ADGRF5: variants seen among roughly 807,000 people sequenced by gnomAD.
ADGRF5 encodes the protein G-protein coupled receptor 116.
A neutral mutation model predicts 132.3 loss-of-function variants in ADGRF5; 75 were observed. That is an observed-to-expected ratio of 0.57 (90% confidence interval 0.47 to 0.69). The LOEUF (loss-of-function observed/expected upper bound fraction) is 0.69, where lower values mean the gene tolerates loss of function less well. Among genes scored for constraint, ADGRF5 ranks in the 30% least tolerant of loss-of-function variants. ADGRF5 has a pLI of 0.00. For synonymous variants in ADGRF5, 629 were observed against 597.6 expected (o/e 1.05, Z -0.77); for missense variants, 1,516 against 1,630.6 (o/e 0.93, Z 1.21).
intron 1 of ADGRF5, among the ~76,000 whole-genome samples, chr6:46,908,234 T>C (rs1167401207): frequency 6.6e-6 from 1 of 152,204 alleles, no homozygotes; most frequent in Admixed American, 6.5e-5. Context: ...ATAGTAGTTG[T>C]TTAAGACCAG....
intron 3 of ADGRF5, among the ~76,000 whole-genome samples, chr6:46,889,784 A>G (rs954378451): frequency 3.6e-4 from 53 of 146,418 alleles, no homozygotes; most frequent in East Asian, 1.8e-3. Flanking sequence ...GTGTGTGTAT[A>G]TATATATATA....
intron 1 of ADGRF5, among the ~76,000 whole-genome samples, chr6:46,929,085 A>G (rs1777404281): frequency 6.6e-6 from 1 of 152,178 alleles, no homozygotes; most frequent in Non-Finnish European, 1.5e-5. Context: ...AAGACTTGGA[A>G]CCAACCCAAA....
At position 46,853,093 on chromosome 6, in the gene ADGRF5, C is replaced by T. The variant is rs1768662437; in HGVS notation, c.*899G>A. 1 of 152,530 alleles carries T rather than the reference C, an allele frequency of 6.6e-6. No individual in the cohort carries two copies. Among genetic ancestry groups the T allele is most frequent in the South Asian group, 2.1e-4 (1 of 4,826 alleles). 9.4% of individuals were successfully genotyped at this position (152,530 alleles called of 1,614,324 possible). ...TTTTGCTTTCAAAATGTGGAACAAA[C>T]TAAAATATAAGGCTTTTCTGATAAA... is the stretch of plus-strand genomic sequence containing the variant. On this transcript the variant is annotated 3_prime_UTR_variant, in exon 21 of 21. Transcript: ENST00000283296.
chr6:46,884,297 G>A, intron 4 of ADGRF5, 26 bp from the exon 5 acceptor site: 1 of 1,582,800 alleles, frequency 6.3e-7, no homozygotes, highest in Non-Finnish European at 8.7e-7. Context: ...ACAGCAAGGA[G>A]AGAGAAGGTG....
intron 3 of ADGRF5, among the ~76,000 whole-genome samples, chr6:46,894,644 G>T (rs953706576): frequency 3.5e-4 from 53 of 152,204 alleles, no homozygotes; most frequent in African/African-American, 1.2e-3. Flanking sequence ...TGGAGCCAGA[G>T]AGAATGGGGA....
chr6:46,937,534 A>C (rs1338346688), intron 1 of ADGRF5, among the ~76,000 whole-genome samples: 3 of 152,178 alleles, frequency 2.0e-5, no homozygotes, highest in East Asian at 1.9e-4. Context: ...AGGGGGATAC[A>C]TTCCAAGACC....
intron 2 of ADGRF5, among the ~76,000 whole-genome samples, chr6:46,901,912 G>A (rs184160396): frequency 6.4e-4 from 98 of 152,238 alleles, no homozygotes; most frequent in Non-Finnish European, 1.0e-3. Flanking sequence ...CTCCATGTAA[G>A]GTTTACCTGT....
In ADGRF5 at chr6:46,861,568, T is replaced by C. The variant is rs1769751320; in HGVS notation, c.2200-674A>G. ...ATTGGTTTTATATAACATACTTTCA[T>C]TTGTGGCATCTCCAGTAGTGTCATC... On this transcript the variant is annotated intron_variant, in intron 15 of 20. Coordinates refer to ENST00000283296, the MANE Select transcript of ADGRF5 (RefSeq NM_001098518.2). Among the ~76,000 whole-genome samples the C allele has an allele frequency of 4.6e-5, 7 of 152,332 alleles. No individual in the cohort carries two copies. The South Asian group carries it at 1.4e-3, about 32-fold the overall frequency.
chr6:46,913,301 C>T (rs1776129820), intron 1 of ADGRF5, among the ~76,000 whole-genome samples: 1 of 152,092 alleles, frequency 6.6e-6, no homozygotes, highest in Non-Finnish European at 1.5e-5. Context: ...AGTATGAGAC[C>T]AGCCTTGCCT....
chr6:46,902,448 A>T (rs760968491), intron 2 of ADGRF5, among the ~76,000 whole-genome samples: 1 of 152,228 alleles, frequency 6.6e-6, no homozygotes, highest in African/African-American at 2.4e-5. Flanking sequence ...CTTGTCAGTT[A>T]CATGTTAAAA....
Position 46,860,891 on chromosome 6 carries a change from A to T in ADGRF5, c.2203T>A (p.Leu735Met). 1 of 1,591,480 alleles carries T rather than the reference A, an allele frequency of 6.3e-7. No homozygotes were observed. The highest frequency in any genetic ancestry group is 8.6e-7 in the Non-Finnish European group (1 of 1,166,858). The part of the protein sequence containing the change: ...INSLLQMAKA[L>M]IKSPSQDEML... ...TCATCCTGAGAGGGGCTCTTGATCA[A>T]AGCCTAGTAAAACAAAAGCCAACAC... The change falls in exon 16 of 21, where the codon TTG becomes ATG. Residue 735 changes from leucine (L) to methionine (M), a missense_variant. Physicochemically the swap from Leu to Met is conservative, Grantham distance 15. Transcript: ENST00000283296.
chr6:46,885,390 A>G (rs1772963353), intron 4 of ADGRF5, among the ~76,000 whole-genome samples: 1 of 152,166 alleles, frequency 6.6e-6, no homozygotes, highest in Non-Finnish European at 1.5e-5. Flanking sequence ...AACTGAGTCT[A>G]TCTTCTAATA....
intron 1 of ADGRF5, among the ~76,000 whole-genome samples, chr6:46,940,398 C>A (rs575035373): frequency 6.6e-6 from 1 of 152,204 alleles, no homozygotes; most frequent in Non-Finnish European, 1.5e-5. Context: ...AGGGCCTCTT[C>A]TTCCCTATCC....
chr6:46,893,335 T>C (rs1773855244), intron 3 of ADGRF5, among the ~76,000 whole-genome samples: 2 of 152,060 alleles, frequency 1.3e-5, no homozygotes, highest in African/African-American at 2.4e-5. Flanking sequence ...CATGGTCCTA[T>C]AGGCAAACAG....
chr6:46,941,441 GA>G (rs1239391794), intron 1 of ADGRF5, among the ~76,000 whole-genome samples: 42 of 47,532 alleles, frequency 8.8e-4, no homozygotes, highest in East Asian at 1.6e-3. Context: ...GAAAAGAAAA[GA>G]AAAGAAAAGA....
chr6:46,869,187 A>G (rs1562160948), intron 11 of ADGRF5, 95 bp from the exon 12 acceptor site: 1 of 1,522,436 alleles, frequency 6.6e-7, no homozygotes, highest in Non-Finnish European at 8.8e-7. Context: ...AACTTCAGAG[A>G]GGGACAGAAA....
At chr6:46,882,572 C>T (rs1772599701) in intron 6 of ADGRF5, among the ~76,000 whole-genome samples, 1 of 152,202 alleles carries the variant, frequency 6.6e-6, no homozygotes, top group African/African-American at 2.4e-5. Context: ...AGCTGCAGCC[C>T]TTGCTCCATT....
intron 20 of ADGRF5, 83 bp downstream of exon 20, chr6:46,855,891 G>T (rs1205225485): frequency 1.3e-6 from 1 of 779,398 alleles, no homozygotes; most frequent in African/African-American, 1.7e-5. Context: ...CATGAGCGGG[G>T]TGAAAGAGTA....
At chr6:46,883,375 T>C (rs1041465599) in intron 6 of ADGRF5, among the ~76,000 whole-genome samples, 184 bp downstream of exon 6, 21 of 152,144 alleles carry the variant, frequency 1.4e-4, no homozygotes, top group African/African-American at 5.1e-4. Context: ...TCAAGGTGAG[T>C]CACACTGTCC....
Sources: gnomAD v4.1 joint callset for allele counts (sites outside exome capture counted in the v4.1 genomes callset) on GRCh38, gnomAD v4.1.1 for gene constraint, MANE v1.5 for transcripts, NCBI Gene and HGNC (gene_info 2026-07-23, HGNC 2026-07-21) for gene names.